Variants in VSTM4 observed in about 807,000 individuals in gnomAD.
VSTM4 encodes V-set and transmembrane domain containing 4.
VSTM4 carries 20 observed loss-of-function variants against 36.4 expected under a neutral mutation model. The ratio of observed to expected loss-of-function variants is 0.55; its 90% CI spans 0.39 to 0.80. The LOEUF is 0.80. Among genes scored for constraint, VSTM4 ranks in the 30% least tolerant of loss-of-function variants. VSTM4 has a pLI of 0.00. For missense variants in VSTM4, 392 were observed against 404.5 expected, an observed-to-expected ratio of 0.97 and a Z score of 0.26; for synonymous variants, 182 against 173.9, an observed-to-expected ratio of 1.05 and a Z score of -0.37.
chr10:49,070,252 CAAAAAAAAAAAAAAA>C lies in VSTM4; in HGVS notation c.635-5531_635-5517del, dbSNP rs780515012. 9.2e-5 allele frequency among the ~76,000 whole-genome samples: 2 copies of C among 21,716 alleles called. 1 individual carries two copies. Among genetic ancestry groups the C allele is most frequent in the Admixed American group, 1.2e-3 (2 of 1,686 alleles). The allele number at this position is 21,716 out of a possible 152,430, so 14.2% of individuals were successfully genotyped here. Reference sequence around the variant, plus strand: ...TGGGCGACAGAGCGAGACTCCGTCTCAAAAAAAAAAAAAAAAAAAAAAAAAAAGAAATATGACATA... The same window carrying C: ...TGGGCGACAGAGCGAGACTCCGTCTCAAAAAAAAAAAAGAAATATGACATA... On this transcript the variant is annotated intron_variant, in intron 4 of 7. Transcript: ENST00000332853.
chr10:49,091,341 A>C (rs1210398895), intron 2 of VSTM4, among the ~76,000 whole-genome samples: 3 of 152,228 alleles, frequency 2.0e-5, no homozygotes, highest in African/African-American at 4.8e-5. Context: ...AAATCTAATA[A>C]GGGACAAGTT....
At chr10:49,082,518 T>C (rs1281388473) in intron 3 of VSTM4, among the ~76,000 whole-genome samples, 2 of 152,068 alleles carry the variant, frequency 1.3e-5, no homozygotes, top group Admixed American at 6.6e-5. Context: ...GTACTAAAAA[T>C]ACAAAAATTA....
In VSTM4 at chr10:49,014,440, G is replaced by A. The variant is rs1232941169; in HGVS notation, c.*5210C>T. 6.6e-6 allele frequency: 1 copy of A among 152,198 alleles called. No individual in the cohort carries two copies. The highest frequency in any genetic ancestry group is 1.5e-5 in the Non-Finnish European group (1 of 68,042). The allele number at this position is 152,198 out of a possible 1,614,324, so 9.4% of individuals were successfully genotyped here. ...TCGTCTTTCACCAGTGACAACAGAA[G>A]GAACAGAAAACCTCCATGGCCACCC... On this transcript the variant is annotated 3_prime_UTR_variant, in exon 8 of 8. Coordinates refer to ENST00000332853, the MANE Select transcript of VSTM4 (RefSeq NM_001031746.5).
intron 2 of VSTM4, among the ~76,000 whole-genome samples, chr10:49,104,830 CAGAG>C (rs144023297): frequency 1.6e-4 from 24 of 146,846 alleles, no homozygotes; most frequent in Non-Finnish European, 2.3e-4. Flanking sequence ...GAGAGAGACA[CAGAG>C]AGAGAGAGAG....
intron 3 of VSTM4, among the ~76,000 whole-genome samples, chr10:49,083,212 C>T (rs1340679694): frequency 6.6e-6 from 1 of 152,104 alleles, no homozygotes; most frequent in African/African-American, 2.4e-5. Flanking sequence ...TTTTTTAATC[C>T]AGCCTGTAAT....
At position 49,105,331 on chromosome 10, in the gene VSTM4, G is replaced by T. The variant is rs111209283; in HGVS notation, c.457+2263C>A. On this transcript the variant is annotated intron_variant, in intron 2 of 7. Transcript: ENST00000332853. Reference sequence around the variant, plus strand: ...AGAGACAGAGAAAGAGAGAGAGACGGGGGGGGGAGAGACAGAGAGAGATAT... The same window carrying T: ...AGAGACAGAGAAAGAGAGAGAGACGTGGGGGGGAGAGACAGAGAGAGATAT... 1.3e-3 allele frequency among the ~76,000 whole-genome samples: 152 copies of T among 116,620 alleles called. 7 individuals carry two copies. In the South Asian group the frequency reaches 0.041, roughly 31 times the overall value. 76.5% of individuals were successfully genotyped at this position (116,620 alleles called of 152,430 possible).
At chr10:49,022,400 A>G (rs1843195523) in intron 7 of VSTM4, among the ~76,000 whole-genome samples, 1 of 152,188 alleles carries the variant, frequency 6.6e-6, no homozygotes, top group South Asian at 2.1e-4. Context: ...GAATGCCAAA[A>G]GCAAAACACT....
chr10:49,063,998 G>A (rs1421605999), intron 5 of VSTM4, among the ~76,000 whole-genome samples: 1 of 152,202 alleles, frequency 6.6e-6, no homozygotes, highest in African/African-American at 2.4e-5. Flanking sequence ...AATGTTTTCT[G>A]TTGCTAGATT....
intron 2 of VSTM4, among the ~76,000 whole-genome samples, chr10:49,095,033 A>G (rs1029478370): frequency 1.3e-5 from 2 of 152,186 alleles, no homozygotes; most frequent in Non-Finnish European, 2.9e-5. Flanking sequence ...TACCGCATTC[A>G]GTCCAAGACA....
intron 7 of VSTM4, among the ~76,000 whole-genome samples, chr10:49,045,140 T>C (rs1181897667): frequency 6.6e-6 from 1 of 152,168 alleles, no homozygotes; most frequent in Non-Finnish European, 1.5e-5. Flanking sequence ...TCCTCCACCT[T>C]GCACTCCGCC....
intron 2 of VSTM4, among the ~76,000 whole-genome samples, chr10:49,086,541 T>G (rs1362685557): frequency 6.6e-6 from 1 of 152,206 alleles, no homozygotes; most frequent in East Asian, 1.9e-4. Context: ...ATCACTGAAT[T>G]CATTTTGCCT....
intron 5 of VSTM4, among the ~76,000 whole-genome samples, chr10:49,055,559 G>A (rs537745104): frequency 6.6e-6 from 1 of 152,198 alleles, no homozygotes; most frequent in African/African-American, 2.4e-5. Flanking sequence ...TTCTCCCCAA[G>A]GTCAGCTGCC....
intron 5 of VSTM4, among the ~76,000 whole-genome samples, chr10:49,056,966 G>A (rs565667018): frequency 2.4e-4 from 37 of 152,154 alleles, no homozygotes; most frequent in Middle Eastern, 3.4e-3. Context: ...CAGTCATGGC[G>A]GAAGGTAAAG....
At position 49,019,599 on chromosome 10, in the gene VSTM4, T is replaced by A; in HGVS notation, c.*51A>T. On this transcript the variant is annotated 3_prime_UTR_variant, in exon 8 of 8. Coordinates refer to ENST00000332853, the MANE Select transcript of VSTM4 (RefSeq NM_001031746.5). Reference sequence around the variant, plus strand: ...TAAGGGCTTTGTCTCCAAGGCTTCATAAATCACTGGGTGGCAGGTATTAAA... The same window carrying A: ...TAAGGGCTTTGTCTCCAAGGCTTCAAAAATCACTGGGTGGCAGGTATTAAA... 8.4e-6 allele frequency: 13 copies of A among 1,553,764 alleles called. No homozygotes were observed. The highest frequency in any genetic ancestry group is 1.2e-5 in the South Asian group (1 of 82,238).
intron 2 of VSTM4, chr10:49,103,660 A>G (rs1033623383): frequency 1.9e-6 from 3 of 1,566,046 alleles, no homozygotes; most frequent in Non-Finnish European, 2.6e-6. Flanking sequence ...CGAGGTGTTC[A>G]TGACAGGGAA....
At chr10:49,067,480 G>T (rs1418439874) in intron 4 of VSTM4, among the ~76,000 whole-genome samples, 1 of 152,208 alleles carries the variant, frequency 6.6e-6, no homozygotes, top group Non-Finnish European at 1.5e-5. Context: ...GGTCTTTAAA[G>T]AGGTAATTAA....
At chr10:49,072,563 T>A (rs1236492709) in intron 4 of VSTM4, among the ~76,000 whole-genome samples, 1 of 152,190 alleles carries the variant, frequency 6.6e-6, no homozygotes, top group Non-Finnish European at 1.5e-5. Context: ...AACCACACAT[T>A]CCTCATCACT....
At chr10:49,025,747 G>A (rs1483134932) in intron 7 of VSTM4, among the ~76,000 whole-genome samples, 1 of 152,192 alleles carries the variant, frequency 6.6e-6, no homozygotes, top group Non-Finnish European at 1.5e-5. Context: ...CCAAGTGACC[G>A]GCACACGGGC....
At chr10:49,097,397 T>C (rs1243331182) in intron 2 of VSTM4, among the ~76,000 whole-genome samples, 1 of 151,742 alleles carries the variant, frequency 6.6e-6, no homozygotes, top group Non-Finnish European at 1.5e-5. Flanking sequence ...TCAAGCACAA[T>C]GGAGGAGGCA....
Sources: allele counts gnomAD v4.1 joint callset (sites outside exome capture counted in the v4.1 genomes callset), GRCh38; gene constraint gnomAD v4.1.1; transcripts MANE v1.5; gene names NCBI Gene and HGNC (gene_info 2026-07-23, HGNC 2026-07-21).